KLHL11: variants seen among roughly 807,000 people sequenced by gnomAD.
KLHL11 encodes kelch-like protein 11.
Under a neutral mutation model 56.1 loss-of-function variants are expected in KLHL11, and 26 were observed. The observed-to-expected ratio is 0.46, with a 90% confidence interval of 0.34 to 0.64. KLHL11 has a LOEUF of 0.64. Ranked by LOEUF, KLHL11 falls within the 30% of genes least tolerant of loss-of-function variation. The pLI, the probability that KLHL11 is intolerant of heterozygous loss-of-function variation, is 0.01. For missense variants in KLHL11, 627 were observed against 919.4 expected (o/e 0.68, Z 4.11); for synonymous variants, 338 against 345.8 (o/e 0.98, Z 0.25).
intron 1 of KLHL11, among the ~76,000 whole-genome samples, chr17:41,856,007 A>G (rs1184337372): frequency 7.4e-6 from 1 of 135,396 alleles, no homozygotes; most frequent in Non-Finnish European, 1.6e-5. Flanking sequence ...AAAAACTCCA[A>G]AAAAACAGAG....
chr17:41,859,845 C>T (rs575353732), intron 1 of KLHL11, among the ~76,000 whole-genome samples: 4 of 152,166 alleles, frequency 2.6e-5, no homozygotes, highest in Non-Finnish European at 4.4e-5. Context: ...AAACCACAAT[C>T]GTTTCAGACA....
intron 1 of KLHL11, among the ~76,000 whole-genome samples, chr17:41,862,568 C>T (rs544073811): frequency 1.3e-5 from 2 of 152,216 alleles, no homozygotes; most frequent in South Asian, 2.1e-4. Context: ...GCGTGAGCCA[C>T]CGCGCCCGGC....
At chr17:41,857,632 AT>A (rs2048374379) in intron 1 of KLHL11, among the ~76,000 whole-genome samples, 1 of 152,032 alleles carries the variant, frequency 6.6e-6, no homozygotes, top group Admixed American at 6.6e-5. Flanking sequence ...ACATATACAT[AT>A]ATAAAAACAC....
chr17:41,860,301 T>G (rs1555622956), intron 1 of KLHL11, among the ~76,000 whole-genome samples: 5 of 147,026 alleles, frequency 3.4e-5, no homozygotes. Flanking sequence ...ATCTGTCATG[T>G]GAGGGGCATT....
chr17:41,864,675 T>C, intron 1 of KLHL11, 151 bp downstream of exon 1: 1 of 858,688 alleles, frequency 1.2e-6, no homozygotes, highest in Non-Finnish European at 1.6e-6. Context: ...CCGCGGTGGC[T>C]GCCCCCAAGC....
chr17:41,858,626 G>A (rs1228810308), intron 1 of KLHL11, among the ~76,000 whole-genome samples: 1 of 151,918 alleles, frequency 6.6e-6, no homozygotes, highest in African/African-American at 2.4e-5. Context: ...TAGAGACAGG[G>A]TTTCATCATG....
At chr17:41,858,639 G>C (rs2048383528) in intron 1 of KLHL11, among the ~76,000 whole-genome samples, 1 of 151,636 alleles carries the variant, frequency 6.6e-6, no homozygotes, top group African/African-American at 2.4e-5. Context: ...TCATCATGTT[G>C]GCCAGGCTGG....
chr17:41,865,123 C>T lies in KLHL11; in HGVS notation c.248G>A (p.Arg83Gln). ...GCCCTGGCGCCGCTGCTCGTTCTGC[C>T]GCCAGGACAGCTCTGAGCAGTGAGA... ...CSSHCSELSW[R>Q]QNEQRRQGLF... The change falls in exon 1 of 2, where the codon CGG (arginine) becomes CAG (glutamine). Residue 83 changes from arginine (R) to glutamine (Q), a missense_variant. Physicochemically the swap from Arg to Gln is conservative, Grantham distance 43 (BLOSUM62 1). Coordinates refer to ENST00000319121, the MANE Select transcript of KLHL11 (RefSeq NM_018143.3). 6.2e-7 allele frequency: 1 copy of T among 1,608,744 alleles called. No homozygotes were observed. The highest frequency in any genetic ancestry group is 1.1e-5 in the South Asian group (1 of 90,448).
At chr17:41,859,053 A>G (rs531306527) in intron 1 of KLHL11, among the ~76,000 whole-genome samples, 161 of 152,214 alleles carry the variant, frequency 1.1e-3, no homozygotes, top group Non-Finnish European at 1.4e-3. Flanking sequence ...TTTCTCCAGG[A>G]TCATAGATTC....
rs782132345 is a variant in KLHL11, at chr17:41,854,900, C to T, written c.967G>A (p.Ala323Thr). 6.8e-5 allele frequency: 110 copies of T among 1,614,076 alleles called. No individual in the cohort carries two copies. Among genetic ancestry groups the T allele is most frequent in the Middle Eastern group, 1.6e-4 (1 of 6,084 alleles). ...ANNEVCVKLV[A>T]DAVERHALRA... ...AGAGCATGTCTCTCCACTGCGTCAG[C>T]GACCAACTTGACACAAACTTCATTA... Residue 323 changes from alanine to threonine, a missense_variant, in exon 2 of 2, where the codon GCT becomes ACT. Around this residue, in one of 4 missense-constraint regions of KLHL11, gnomAD observed 106 missense variants for 227.0 expected, o/e 0.47. Transcript: ENST00000319121. This position sits in a 1 kb window ranked among gnomAD's most constrained non-coding sequence, Gnocchi z 4.9.
At position 41,858,606 on chromosome 17, in the gene KLHL11, GTA is replaced by G. The variant is rs111532503; in HGVS notation, c.546-3287_546-3286del. ...TGCCACCACACCCAGCTAAATTTTTGTATTTTTAGTAGAGACAGGGTTTCATC... is the reference window on the plus strand; with the variant it reads ...TGCCACCACACCCAGCTAAATTTTTGTTTTTAGTAGAGACAGGGTTTCATC... On this transcript the variant is annotated intron_variant, in intron 1 of 1. Transcript: ENST00000319121. Among the ~76,000 whole-genome samples the G allele has an allele frequency of 1.8e-4, 28 of 151,998 alleles. 1 individual carries two copies. The highest frequency in any genetic ancestry group is 6.3e-4 in the African/African-American group (26 of 41,470).
In KLHL11 at chr17:41,853,955, T is replaced by TC; in HGVS notation, c.1911dup (p.Arg638GlufsTer16). ...GGAGGAAGAAGCATCCACCTCTTCCTCTCCGCACAATATCGGTAGGCTTCT... is the reference window on the plus strand; with the variant it reads ...GGAGGAAGAAGCATCCACCTCTTCCTCCTCCGCACAATATCGGTAGGCTTCT... On this transcript the variant is annotated frameshift_variant, in exon 2 of 2. Transcript: ENST00000319121. LOFTEE classifies it high-confidence loss of function. 1 of 1,614,218 alleles carries TC rather than the reference T, an allele frequency of 6.2e-7. No individual in the cohort carries two copies. Among genetic ancestry groups the TC allele is most frequent in the Non-Finnish European group, 8.5e-7 (1 of 1,180,032 alleles).
chr17:41,858,628 T>C (rs2048383486), intron 1 of KLHL11, among the ~76,000 whole-genome samples: 1 of 152,056 alleles, frequency 6.6e-6, no homozygotes, highest in Non-Finnish European at 1.5e-5. Context: ...GAGACAGGGT[T>C]TCATCATGTT....
At position 41,851,928 on chromosome 17, in the gene KLHL11, A is replaced by T. The variant is rs1002764446; in HGVS notation, c.*1812T>A. Among the ~76,000 whole-genome samples, 1 of 152,134 alleles carries T rather than the reference A, an allele frequency of 6.6e-6. No homozygotes were observed. Among genetic ancestry groups the T allele is most frequent in the Non-Finnish European group, 1.5e-5 (1 of 68,014 alleles). ...CCCATCCCCTGGCCCAAAAAAAAAAAAAAGTCAATTTGAGTGCTAACTTTT... is the reference window on the plus strand; with the variant it reads ...CCCATCCCCTGGCCCAAAAAAAAAATAAAGTCAATTTGAGTGCTAACTTTT... On this transcript the variant is annotated 3_prime_UTR_variant, in exon 2 of 2. Coordinates refer to ENST00000319121, the MANE Select transcript of KLHL11 (RefSeq NM_018143.3).
At position 41,850,417 on chromosome 17, in the gene KLHL11, T is replaced by C. The variant is rs568169013; in HGVS notation, c.*3323A>G. On this transcript the variant is annotated 3_prime_UTR_variant, in exon 2 of 2. Transcript: ENST00000319121. ...CAGATTATGCCTAAATCTTATGAGT[T>C]ATAATTTCTGTCACATGATGTGAAA... The C allele has an allele frequency of 6.6e-6, 1 of 152,310 alleles. No homozygotes were observed. Among genetic ancestry groups the C allele is most frequent in the South Asian group, 2.1e-4 (1 of 4,834 alleles). The allele number at this position is 152,310 out of a possible 1,614,324, so 9.4% of individuals were successfully genotyped here. A position where few individuals can be genotyped will look rare whatever the true frequency, so the allele number is the denominator to read the frequency against.
intron 1 of KLHL11, among the ~76,000 whole-genome samples, chr17:41,864,605 T>A (rs1274838439): frequency 1.3e-5 from 2 of 152,280 alleles, no homozygotes; most frequent in African/African-American, 2.4e-5. Context: ...TCACCTAGTA[T>A]CTGAGCTCCT....
chr17:41,855,018 T>C lies in KLHL11; in HGVS notation c.849A>G (p.Arg283=). ...GCAATTTAAAAAGTTCTTCAAAGTATCTCTCTCTCTCTTCAGCATTTCTCT... is the reference window on the plus strand; with the variant it reads ...GCAATTTAAAAAGTTCTTCAAAGTACCTCTCTCTCTCTTCAGCATTTCTCT... ...WVQRNAEERE[R]YFEELFKLLR... Residue 283 remains arginine, a synonymous_variant, in exon 2 of 2, where the codon AGA becomes AGG. Transcript: ENST00000319121. 2 of 1,602,092 alleles carry C rather than the reference T, an allele frequency of 1.2e-6. No individual in the cohort carries two copies. The highest frequency in any genetic ancestry group is 1.7e-6 in the Non-Finnish European group (2 of 1,169,474).
chr17:41,855,816 C>T (rs545033599), intron 1 of KLHL11, among the ~76,000 whole-genome samples: 109 of 149,902 alleles, frequency 7.3e-4, no homozygotes, highest in Non-Finnish European at 1.2e-3. Context: ...GGATTACAGG[C>T]GTGTGCCACC....
In KLHL11 at chr17:41,864,928, C is replaced by G; in HGVS notation, c.443G>C (p.Gly148Ala). ...VEMRKWSSEPGPEPDTVEAVI... is the reference protein window; with the variant it reads ...VEMRKWSSEPAPEPDTVEAVI... ...GGCTTCCACTGTGTCGGGTTCGGGC[C>G]CCGGCTCGGAGCTCCACTTGCGCAT... The change falls in exon 1 of 2, where the codon GGG becomes GCG. Residue 148 changes from glycine to alanine, a missense_variant. This residue lies in a region of KLHL11 where 150 missense variants were observed against 215.7 expected (regional missense o/e 0.70). Coordinates refer to ENST00000319121, the MANE Select transcript of KLHL11 (RefSeq NM_018143.3). The G allele has an allele frequency of 6.2e-7, 1 of 1,610,988 alleles. No individual in the cohort carries two copies. The highest frequency in any genetic ancestry group is 8.5e-7 in the Non-Finnish European group (1 of 1,178,998).
Sources: gnomAD v4.1 joint callset for allele counts (sites outside exome capture counted in the v4.1 genomes callset) on GRCh38, gnomAD v4.1.1 for gene constraint, gnomAD v4.1.1 regional missense constraint, Gnocchi (gnomAD v3.1) non-coding constraint, MANE v1.5 for transcripts, NCBI Gene and HGNC (gene_info 2026-07-23, HGNC 2026-07-21) for gene names.